TICAM2: variants seen among roughly 807,000 people sequenced by gnomAD.
The protein encoded by TICAM2 is TIR domain-containing adapter molecule 2.
In TICAM2, 8 loss-of-function variants were observed where a neutral mutation model predicts 7.3. The ratio of observed to expected loss-of-function variants is 1.10; its 90% CI spans 0.65 to 1.99. The LOEUF is 1.99. Among genes scored for constraint, TICAM2 ranks in the 30% most tolerant of loss-of-function variants. The pLI, the probability that TICAM2 is intolerant of heterozygous loss-of-function variation, is 0.00. For synonymous variants in TICAM2, 113 were observed against 99.6 expected, an observed-to-expected ratio of 1.13 and a Z score of -0.80; for missense variants, 304 against 278.8, an observed-to-expected ratio of 1.09 and a Z score of -0.65.
intron 1 of TICAM2, among the ~76,000 whole-genome samples, chr5:115,584,992 G>T (rs1400215720): frequency 1.3e-5 from 2 of 152,104 alleles, no homozygotes; most frequent in African/African-American, 4.8e-5. Context: ...GAGAATCATA[G>T]CGTACAAAAA....
At chr5:115,590,007 T>C (rs1236319461) in intron 1 of TICAM2, among the ~76,000 whole-genome samples, 1 of 152,202 alleles carries the variant, frequency 6.6e-6, no homozygotes, top group Non-Finnish European at 1.5e-5. Context: ...AAATATATTT[T>C]GTTAGATTTT....
intron 1 of TICAM2, among the ~76,000 whole-genome samples, chr5:115,600,486 T>A (rs900971120): frequency 6.6e-6 from 1 of 152,116 alleles, no homozygotes; most frequent in African/African-American, 2.4e-5. Context: ...TGTGGCATAC[T>A]AAGATTTAGT....
chr5:115,584,730 C>T (rs527795874), intron 1 of TICAM2, among the ~76,000 whole-genome samples: 1 of 152,196 alleles, frequency 6.6e-6, no homozygotes, highest in East Asian at 1.9e-4. Flanking sequence ...ATATCCATCC[C>T]CTCAGGCAAC....
chr5:115,582,043 G>C (rs1754943275), intron 1 of TICAM2: 2 of 152,182 alleles, frequency 1.3e-5, no homozygotes, highest in Non-Finnish European at 2.9e-5. Context: ...TAACATCTCA[G>C]TTTGGAAATG....
In TICAM2 at chr5:115,579,320, C is replaced by T. The variant is rs922218645; in HGVS notation, c.*1229G>A. The stretch of plus-strand genomic sequence containing the variant: ...TAGAGGACAAAAGCCTTTAGAGATC[C>T]ATCAATTCAACCCTTTCATTTCACA... On this transcript the variant is annotated 3_prime_UTR_variant, in exon 2 of 2. Transcript: ENST00000427199. The T allele has an allele frequency of 2.0e-5, 3 of 152,566 alleles. No homozygotes were observed. The highest frequency in any genetic ancestry group is 4.4e-5 in the Non-Finnish European group (3 of 68,044). The allele number at this position is 152,566 out of a possible 1,614,324, so 9.5% of individuals were successfully genotyped here. A position where few individuals can be genotyped will look rare whatever the true frequency, so the allele number is the denominator to read the frequency against.
chr5:115,592,041 G>A (rs987676863), intron 1 of TICAM2, among the ~76,000 whole-genome samples: 3 of 152,096 alleles, frequency 2.0e-5, no homozygotes, highest in African/African-American at 7.2e-5. Context: ...AACAGCAAGA[G>A]AAAATAGATT....
chr5:115,597,206 T>A (rs765094880), intron 1 of TICAM2, among the ~76,000 whole-genome samples: 12 of 152,354 alleles, frequency 7.9e-5, no homozygotes, highest in Non-Finnish European at 1.3e-4. Flanking sequence ...GAATAAATAT[T>A]ACTTTCTTTT....
At position 115,580,749 on chromosome 5, in the gene TICAM2, C is replaced by G; in HGVS notation, c.508G>C (p.Val170Leu). Residue 170 changes from valine to leucine, a missense_variant, in exon 2 of 2, where the codon GTT (valine) becomes CTT (leucine). Physicochemically the swap from Val to Leu is conservative, Grantham distance 32 (BLOSUM62 1). Coordinates refer to ENST00000427199, the MANE Select transcript of TICAM2 (RefSeq NM_021649.7). ...SVNRQHKYNS[V>L]IPMRPLNNPL... Reference sequence around the variant, plus strand: ...TTGTTCAGGGGCCGCATGGGTATAACAGAGTTGTATTTATGCTGCCTGTTA... The same window carrying G: ...TTGTTCAGGGGCCGCATGGGTATAAGAGAGTTGTATTTATGCTGCCTGTTA... 1 of 1,602,018 alleles carries G rather than the reference C, an allele frequency of 6.2e-7. No individual in the cohort carries two copies. Among genetic ancestry groups the G allele is most frequent in the South Asian group, 1.1e-5 (1 of 89,046 alleles).
intron 1 of TICAM2, among the ~76,000 whole-genome samples, chr5:115,588,403 C>A (rs542040611): frequency 2.8e-4 from 42 of 152,166 alleles, no homozygotes; most frequent in African/African-American, 1.0e-3. Context: ...TGGGACTTCA[C>A]GTTGTACCTT....
At chr5:115,595,712 C>T (rs185060236) in intron 1 of TICAM2, among the ~76,000 whole-genome samples, 42 of 152,292 alleles carry the variant, frequency 2.8e-4, no homozygotes, top group Non-Finnish European at 5.7e-4. Flanking sequence ...ATAAAATTTG[C>T]TCCTACCATG....
Position 115,579,533 on chromosome 5 carries a change from G to C in TICAM2, c.*1016C>G, listed in dbSNP as rs1193476110. 1 of 152,188 alleles carries C rather than the reference G, an allele frequency of 6.6e-6. No individual in the cohort carries two copies. Among genetic ancestry groups the C allele is most frequent in the Non-Finnish European group, 1.5e-5 (1 of 68,046 alleles). The allele number at this position is 152,188 out of a possible 1,614,324, so 9.4% of individuals were successfully genotyped here. On this transcript the variant is annotated 3_prime_UTR_variant, in exon 2 of 2. Coordinates refer to ENST00000427199, the MANE Select transcript of TICAM2 (RefSeq NM_021649.7). ...CTCAGATGGGCAGAAGGGCTGTGGA[G>C]GAAAGAAACAATCCTGTTTGGGGCC...
chr5:115,584,821 A>C (rs1012061354), intron 1 of TICAM2, among the ~76,000 whole-genome samples: 9 of 152,212 alleles, frequency 5.9e-5, no homozygotes, highest in Non-Finnish European at 1.3e-4. Context: ...GCCTGAGATA[A>C]GAAGGAAGGA....
At chr5:115,598,385 G>C (rs1375907386) in intron 1 of TICAM2, among the ~76,000 whole-genome samples, 1 of 152,068 alleles carries the variant, frequency 6.6e-6, no homozygotes, top group Non-Finnish European at 1.5e-5. Context: ...ACCAAACAGG[G>C]CTTCTCCAAC....
In TICAM2 at chr5:115,579,956, TA is replaced by T. The variant is rs1193090520; in HGVS notation, c.*592del. 1 of 152,246 alleles carries T rather than the reference TA, an allele frequency of 6.6e-6. No individual in the cohort carries two copies. Among genetic ancestry groups the T allele is most frequent in the African/African-American group, 2.4e-5 (1 of 41,460 alleles). 9.4% of individuals were successfully genotyped at this position (152,246 alleles called of 1,614,324 possible). ...ATCGGTGGTGGGAAATGCCTCCAAA[TA>T]TGCAGATTTCAGCAGAAAATACATT... On this transcript the variant is annotated 3_prime_UTR_variant, in exon 2 of 2. Transcript: ENST00000427199.
intron 1 of TICAM2, among the ~76,000 whole-genome samples, chr5:115,584,954 A>G (rs1755050865): frequency 6.6e-6 from 1 of 152,234 alleles, no homozygotes; most frequent in Non-Finnish European, 1.5e-5. Context: ...TATGTAAAAT[A>G]TTACAGGAAA....
Position 115,580,939 on chromosome 5 carries a change from G to A in TICAM2, c.318C>T (p.Ile106=). Residue 106 remains isoleucine (I), a synonymous_variant, in exon 2 of 2, where the codon ATC becomes ATT. Coordinates refer to ENST00000427199, the MANE Select transcript of TICAM2 (RefSeq NM_021649.7). ...VQNLLQDDFG[I]KPGIIFAEMP... ...TCTCAGCAAAGATTATTCCGGGTTT[G>A]ATACCAAAGTCATCTTGTAGCAGAT... The A allele has an allele frequency of 6.2e-7, 1 of 1,613,616 alleles. No homozygotes were observed. The highest frequency in any genetic ancestry group is 8.5e-7 in the Non-Finnish European group (1 of 1,179,668).
chr5:115,594,697 A>G (rs1410257003), intron 1 of TICAM2, among the ~76,000 whole-genome samples: 1 of 152,212 alleles, frequency 6.6e-6, no homozygotes, highest in Admixed American at 6.5e-5. Flanking sequence ...TATATGATAG[A>G]TGTTTTGGCT....
intron 1 of TICAM2, among the ~76,000 whole-genome samples, chr5:115,589,273 G>A (rs1176378127): frequency 6.6e-6 from 1 of 152,194 alleles, no homozygotes; most frequent in Non-Finnish European, 1.5e-5. Flanking sequence ...CAGCACGGGA[G>A]TGTGCCAAGC....
intron 1 of TICAM2, among the ~76,000 whole-genome samples, chr5:115,587,567 ATAGTGGAGG>A (rs1394348817): frequency 2.0e-5 from 3 of 152,202 alleles, no homozygotes; most frequent in Non-Finnish European, 4.4e-5. Context: ...AGATGAAGTG[ATAGTGGAGG>A]TAATGGGGAT....
Sources: gnomAD v4.1 joint callset for allele counts (sites outside exome capture counted in the v4.1 genomes callset) on GRCh38, gnomAD v4.1.1 for gene constraint, MANE v1.5 for transcripts, NCBI Gene and HGNC (gene_info 2026-07-23, HGNC 2026-07-21) for gene names.